The following TCF25 variants were observed in gnomAD, a reference collection of about 807,000 sequenced individuals.
TCF25 encodes the protein TCF25 ribosome quality control complex subunit.
TCF25 carries 41 observed loss-of-function variants against 83.1 expected under a neutral mutation model. That is an observed-to-expected ratio of 0.49 (90% CI 0.38 to 0.64). The LOEUF is 0.64. Among genes scored for constraint, TCF25 ranks in the 30% least tolerant of loss-of-function variants. The pLI is 0.00. For missense variants in TCF25, 979 were observed against 914.5 expected (o/e 1.07, Z -0.91); for synonymous variants, 458 against 365.0 (o/e 1.25, Z -2.90).
At position 89,885,970 on chromosome 16, in the gene TCF25, T is replaced by C; in HGVS notation, c.548+4T>C. On this transcript the variant is annotated splice_donor_region_variant and intron_variant, in intron 4 of 17. Transcript: ENST00000263346. Reference sequence around the variant, plus strand: ...ACGTTCTCTACGTGGAGCACAGGTGTGGCCCCCGCCCTTCTCTGCGGCTGC... The same window carrying C: ...ACGTTCTCTACGTGGAGCACAGGTGCGGCCCCCGCCCTTCTCTGCGGCTGC... 6.9e-7 allele frequency: 1 copy of C among 1,439,082 alleles called. No homozygotes were observed. Among genetic ancestry groups the C allele is most frequent in the Non-Finnish European group, 9.2e-7 (1 of 1,091,488 alleles). The allele number at this position is 1,439,082 out of a possible 1,614,324, so 89.1% of individuals were successfully genotyped here.
At chr16:89,883,628 G>A in intron 2 of TCF25, 116 bp downstream of exon 2, 1 of 1,291,302 alleles carries the variant, frequency 7.7e-7, no homozygotes, top group Non-Finnish European at 1.0e-6. Context: ...GTTCCATTTT[G>A]GTTACCTGCT....
intron 12 of TCF25, 29 bp from the exon 13 acceptor site, chr16:89,904,089 C>T: frequency 2.5e-6 from 4 of 1,589,354 alleles, no homozygotes; most frequent in African/African-American, 1.3e-5. Flanking sequence ...GTGCTGAGGG[C>T]CCCCACAGAG....
rs1474886680 is a variant in TCF25 at position 89,892,389 on chromosome 16, G to A, written c.697+114G>A. 1.6e-5 allele frequency: 19 copies of A among 1,219,660 alleles called. No homozygotes were observed. The Admixed American group carries it at 2.5e-4, about 16-fold the overall frequency. 75.6% of individuals were successfully genotyped at this position (1,219,660 alleles called of 1,614,324 possible). On this transcript the variant is annotated intron_variant, in intron 6 of 17. Coordinates refer to ENST00000263346, the MANE Select transcript of TCF25 (RefSeq NM_014972.3). Reference sequence around the variant, plus strand: ...GCAGAGGCTGCTGGGGGTGGAGGGCGGCGGGGGGGTGTGTTCTGTGCACTG... The same window carrying A: ...GCAGAGGCTGCTGGGGGTGGAGGGCAGCGGGGGGGTGTGTTCTGTGCACTG...
intron 1 of TCF25, among the ~76,000 whole-genome samples, chr16:89,882,777 G>T (rs2042705814): frequency 6.6e-6 from 1 of 152,164 alleles, no homozygotes; most frequent in Non-Finnish European, 1.5e-5. Flanking sequence ...AGTAGAGACA[G>T]GGTTTCGCCA....
chr16:89,903,089 C>T (rs1294489853), intron 12 of TCF25, among the ~76,000 whole-genome samples: 3 of 152,246 alleles, frequency 2.0e-5, no homozygotes, highest in Non-Finnish European at 4.4e-5. Flanking sequence ...ATATGCTCCA[C>T]CAGTGCAGCC....
At chr16:89,911,040 C>G (rs763851492) in intron 17 of TCF25, 40 bp from the exon 18 acceptor site, 2 of 1,605,856 alleles carry the variant, frequency 1.2e-6, no homozygotes, top group Admixed American at 3.3e-5. Context: ...CTAGTCCCAG[C>G]ACAGACAGCC....
chr16:89,911,052 C>A, intron 17 of TCF25, 28 bp from the exon 18 acceptor site: 1 of 1,608,560 alleles, frequency 6.2e-7, no homozygotes. Flanking sequence ...CAGACAGCCC[C>A]CTTCTCAGAC....
At chr16:89,898,497 TG>T in intron 9 of TCF25, 59 bp from the exon 10 acceptor site, 1 of 1,568,816 alleles carries the variant, frequency 6.4e-7, no homozygotes, top group Non-Finnish European at 8.7e-7. Context: ...GCCGGGGCGC[TG>T]AGCAGAGAGC....
rs1344353697 is a variant in TCF25 at position 89,898,864 on chromosome 16, G to C, written c.1213G>C (p.Glu405Gln). 1 of 1,613,790 alleles carries C rather than the reference G, an allele frequency of 6.2e-7. No homozygotes were observed. Among genetic ancestry groups the C allele is most frequent in the Non-Finnish European group, 8.5e-7 (1 of 1,180,038 alleles). ...NYEYLIRLFQEWEAHRNLSQL... is the reference protein window; with the variant it reads ...NYEYLIRLFQQWEAHRNLSQL... Reference sequence around the variant, plus strand: ...CGAGTACCTGATCCGCCTCTTCCAGGAGTGGGAGGTGGGTGCGAGCCTGGT... The same window carrying C: ...CGAGTACCTGATCCGCCTCTTCCAGCAGTGGGAGGTGGGTGCGAGCCTGGT... The change falls in exon 11 of 18, where the codon GAG becomes CAG. Residue 405 changes from glutamate to glutamine, a missense_variant. Physicochemically the swap from Glu to Gln is conservative, Grantham distance 29. Coordinates refer to ENST00000263346, the MANE Select transcript of TCF25 (RefSeq NM_014972.3).
chr16:89,885,919 C>T lies in TCF25; in HGVS notation c.501C>T (p.Gly167=). 6.3e-7 allele frequency: 1 copy of T among 1,595,750 alleles called. No individual in the cohort carries two copies. ...ACAGCACTGGGTTGAACCGTCCCGG[C>T]CCAGCTCCCCTGAGCTCCAGGAAGC... ...IEDSTGLNRP[G]PAPLSSRKHV... Residue 167 remains glycine (G), a synonymous_variant, in exon 4 of 18, where the codon GGC becomes GGT. Transcript: ENST00000263346.
intron 11 of TCF25, among the ~76,000 whole-genome samples, chr16:89,899,503 G>A (rs566019908): frequency 3.9e-5 from 6 of 152,282 alleles, no homozygotes; most frequent in Admixed American, 6.5e-5. Context: ...AGGCCGAGGC[G>A]GGCGGATCAC....
chr16:89,910,745 G>A (rs538034832), intron 17 of TCF25, 82 bp downstream of exon 17: 14 of 1,476,618 alleles, frequency 9.5e-6, no homozygotes, highest in Middle Eastern at 1.7e-4. Context: ...GAGCCTCCTT[G>A]AACCAGGACT....
At chr16:89,881,011 T>C (rs1486872746) in intron 1 of TCF25, among the ~76,000 whole-genome samples, 2 of 152,194 alleles carry the variant, frequency 1.3e-5, no homozygotes, top group Non-Finnish European at 2.9e-5. Context: ...GGAGTGTCAG[T>C]GTTTTCAAGT....
chr16:89,875,575 T>C (rs1187796287), intron 1 of TCF25, among the ~76,000 whole-genome samples: 2 of 132,774 alleles, frequency 1.5e-5, no homozygotes, highest in Non-Finnish European at 3.0e-5. Flanking sequence ...CAGGCTGGAG[T>C]GCAGTGGCAT....
At chr16:89,901,401 G>C (rs1003390239) in intron 12 of TCF25, among the ~76,000 whole-genome samples, 8 of 151,732 alleles carry the variant, frequency 5.3e-5, no homozygotes, top group Non-Finnish European at 1.2e-4. Flanking sequence ...CCCTCCTTAA[G>C]ACGAGCCTCC....
chr16:89,875,641 G>GCC lies in TCF25; in HGVS notation c.192+1783_192+1784dup, dbSNP rs371957785. The stretch of plus-strand genomic sequence containing the variant: ...GGGTTCACGCCATTCTCCTGCCTCA[G>GCC]CCTCCCAAGTAGCTGGGAACACAGG... On this transcript the variant is annotated intron_variant, in intron 1 of 17. Transcript: ENST00000263346. Among the ~76,000 whole-genome samples, 392 of 147,064 alleles carry GCC rather than the reference G, an allele frequency of 2.7e-3. 2 individuals are homozygous for GCC. Among genetic ancestry groups the GCC allele is most frequent in the African/African-American group, 9.5e-3 (376 of 39,626 alleles).
At chr16:89,909,809 A>G (rs2045395480) in intron 16 of TCF25, 1 of 152,444 alleles carries the variant, frequency 6.6e-6, no homozygotes, top group African/African-American at 2.4e-5. Flanking sequence ...CAGAGTCACG[A>G]TGTGCCGAGG....
At position 89,896,023 on chromosome 16, in the gene TCF25, A is replaced by G; in HGVS notation, c.962A>G (p.His321Arg). ...RALYSMECAFHPLFSLTSGAC... is the reference protein window; with the variant it reads ...RALYSMECAFRPLFSLTSGAC... ...CTGTACAGCATGGAATGTGCGTTCC[A>G]CCCCCTGTTCAGTCTCACCAGTGGG... Residue 321 changes from histidine to arginine, a missense_variant, in exon 9 of 18, where the codon CAC (histidine) becomes CGC (arginine). Physicochemically the swap from His to Arg is conservative, Grantham distance 29 (BLOSUM62 0). Transcript: ENST00000263346. The G allele has an allele frequency of 1.2e-6, 2 of 1,613,514 alleles. No individual in the cohort carries two copies. The highest frequency in any genetic ancestry group is 1.1e-5 in the South Asian group (1 of 91,050).
intron 12 of TCF25, among the ~76,000 whole-genome samples, chr16:89,902,549 C>T (rs1271968223): frequency 1.4e-5 from 2 of 147,616 alleles, no homozygotes; most frequent in South Asian, 2.1e-4. Flanking sequence ...ATTAGCCGGG[C>T]GTGTTGGCCG....
Sources: gnomAD v4.1 joint callset for allele counts (sites outside exome capture counted in the v4.1 genomes callset) on GRCh38, gnomAD v4.1.1 for gene constraint, MANE v1.5 for transcripts, NCBI Gene and HGNC (gene_info 2026-07-23, HGNC 2026-07-21) for gene names.